ERC2: variants seen among roughly 807,000 people sequenced by gnomAD.
The protein encoded by ERC2 is ERC protein 2.
In ERC2, 42 loss-of-function variants were observed where a neutral mutation model predicts 114.8. The ratio of observed to expected loss-of-function variants is 0.37; its 90% CI spans 0.29 to 0.47. ERC2 has a LOEUF of 0.47. Among genes scored for constraint, ERC2 ranks in the 20% least tolerant of loss-of-function variants. The pLI, the probability that ERC2 is intolerant of heterozygous loss-of-function variation, is 0.99. For synonymous variants in ERC2, 454 were observed against 425.5 expected (o/e 1.07, Z -0.82); for missense variants, 939 against 1,150.7 (o/e 0.82, Z 2.66).
intron 17 of ERC2, among the ~76,000 whole-genome samples, chr3:55,571,833 G>A (rs894731651): frequency 6.6e-5 from 10 of 152,226 alleles, no homozygotes; most frequent in African/African-American, 1.2e-4. Context: ...CTAGCACACA[G>A]TAGGTGCTCA....
intron 2 of ERC2, among the ~76,000 whole-genome samples, chr3:56,325,587 G>A (rs373627369): frequency 3.9e-5 from 6 of 152,166 alleles, no homozygotes; most frequent in African/African-American, 1.4e-4. Context: ...CACCAATAGT[G>A]TTCTACATCA....
At chr3:56,062,273 A>G (rs1391537428) in intron 7 of ERC2, among the ~76,000 whole-genome samples, 1 of 152,220 alleles carries the variant, frequency 6.6e-6, no homozygotes, top group Non-Finnish European at 1.5e-5. Context: ...ATAAACGGTA[A>G]GAGAACTCTT....
chr3:56,312,199 T>C (rs570137742), intron 2 of ERC2, among the ~76,000 whole-genome samples: 2 of 152,292 alleles, frequency 1.3e-5, no homozygotes, highest in Admixed American at 1.3e-4. Flanking sequence ...TTGTTTACTA[T>C]TTCTAAAGAT....
chr3:56,376,899 G>C (rs1246437989), intron 2 of ERC2, among the ~76,000 whole-genome samples: 1 of 152,144 alleles, frequency 6.6e-6, no homozygotes, highest in Non-Finnish European at 1.5e-5. Context: ...ATACATGGGA[G>C]GCTATTTCTA....
At chr3:55,878,123 G>A (rs1412537399) in intron 14 of ERC2, among the ~76,000 whole-genome samples, 1 of 152,096 alleles carries the variant, frequency 6.6e-6, no homozygotes, top group African/African-American at 2.4e-5. Flanking sequence ...ATGGTGCTTG[G>A]AATTATTTAA....
intron 15 of ERC2, among the ~76,000 whole-genome samples, chr3:55,709,169 CTAG>C (rs1259705925): frequency 1.3e-5 from 2 of 152,016 alleles, no homozygotes; most frequent in African/African-American, 4.8e-5. Context: ...CGTGAACATT[CTAG>C]TAGAACTCTA....
intron 17 of ERC2, among the ~76,000 whole-genome samples, chr3:55,621,158 C>CCCT (rs1384252070): frequency 1.3e-5 from 2 of 152,124 alleles, no homozygotes; most frequent in African/African-American, 4.8e-5. Flanking sequence ...CTAACTGCCC[C>CCCT]CCCTCCAGCC....
intron 13 of ERC2, among the ~76,000 whole-genome samples, chr3:55,935,600 C>T (rs1029781380): frequency 2.6e-5 from 4 of 152,126 alleles, no homozygotes; most frequent in Admixed American, 2.6e-4. Flanking sequence ...CTTAGAGAAC[C>T]AAAGTATGAA....
intron 6 of ERC2, among the ~76,000 whole-genome samples, chr3:56,134,269 G>A (rs1236280213): frequency 6.6e-6 from 1 of 152,058 alleles, no homozygotes; most frequent in South Asian, 2.1e-4. Flanking sequence ...ATCAAGATTC[G>A]GTGTGGAATT....
At chr3:55,997,882 T>G (rs1379065700) in intron 10 of ERC2, among the ~76,000 whole-genome samples, 18 of 12,652 alleles carry the variant, frequency 1.4e-3, no homozygotes, top group South Asian at 0.015. Context: ...TTAATTCTGT[T>G]TTTTTTTTTT....
chr3:56,049,416 T>A (rs1180657663), intron 7 of ERC2, among the ~76,000 whole-genome samples: 2 of 152,230 alleles, frequency 1.3e-5, no homozygotes, highest in Non-Finnish European at 2.9e-5. Context: ...AATGGTCTAC[T>A]GATACTGTGA....
intron 2 of ERC2, among the ~76,000 whole-genome samples, chr3:56,408,961 G>A (rs1559461326): frequency 6.6e-6 from 1 of 152,188 alleles, no homozygotes; most frequent in Non-Finnish European, 1.5e-5. Flanking sequence ...CAGGTGTGAC[G>A]GGCAAGGATC....
chr3:56,079,716 A>T (rs1225272934), intron 7 of ERC2, among the ~76,000 whole-genome samples: 1 of 152,146 alleles, frequency 6.6e-6, no homozygotes, highest in African/African-American at 2.4e-5. Flanking sequence ...TCATGTTTAC[A>T]TTATGCAATG....
At position 56,368,187 on chromosome 3, in the gene ERC2, A is replaced by T. The variant is rs55647929; in HGVS notation, c.657+66164T>A. ...AGTTGAAATTATTCTTTTTTTTTTA[A>T]AAAAAAAAAAAAAGCAAATGTAGAC... On this transcript the variant is annotated intron_variant, in intron 2 of 17. Transcript: ENST00000288221. Among the ~76,000 whole-genome samples, 632 of 142,162 alleles carry T rather than the reference A, an allele frequency of 4.4e-3. 3 individuals are homozygous for T. The highest frequency in any genetic ancestry group is 0.014 in the Middle Eastern group (4 of 280). 93.3% of individuals were successfully genotyped at this position (142,162 alleles called of 152,430 possible).
At chr3:55,914,352 T>G (rs1347169912) in intron 13 of ERC2, among the ~76,000 whole-genome samples, 1 of 152,178 alleles carries the variant, frequency 6.6e-6, no homozygotes, top group Non-Finnish European at 1.5e-5. Flanking sequence ...CTCTTATCTT[T>G]AAATGTTACA....
chr3:55,967,471 T>C lies in ERC2; in HGVS notation c.2268-16911A>G, dbSNP rs545284586. 9.8e-5 allele frequency among the ~76,000 whole-genome samples: 15 copies of C among 152,320 alleles called. No homozygotes were observed. In the East Asian group the frequency reaches 2.7e-3, roughly 27 times the overall value. ...GATTCTGATTACTATTAGGCCCTTT[T>C]TCTGGTATAAATCCTAAATTATTTC... On this transcript the variant is annotated intron_variant, in intron 12 of 17. Transcript: ENST00000288221.
intron 17 of ERC2, among the ~76,000 whole-genome samples, chr3:55,594,565 T>C (rs2058046851): frequency 2.0e-5 from 3 of 152,132 alleles, no homozygotes; most frequent in Non-Finnish European, 4.4e-5. Flanking sequence ...CACTGCAACC[T>C]CCGCACCCTG....
Position 56,296,367 on chromosome 3 carries a change from G to A in ERC2, c.726C>T (p.Leu242=), listed in dbSNP as rs764188610. ...CTCCTCGGTTGCCACTCTCTTGCTGGAGGAGGTGGTTGAGGTCTCTCTGGG... is the reference window on the plus strand; with the variant it reads ...CTCCTCGGTTGCCACTCTCTTGCTGAAGGAGGTGGTTGAGGTCTCTCTGGG... ...LRTQRDLNHL[L]QQESGNRGAE... Residue 242 remains leucine (L), a synonymous_variant, in exon 3 of 18, where the codon CTC becomes CTT. Coordinates refer to ENST00000288221, the MANE Select transcript of ERC2 (RefSeq NM_015576.3). The A allele has an allele frequency of 3.7e-6, 6 of 1,613,910 alleles. No individual in the cohort carries two copies. The African/African-American group carries it at 6.7e-5, about 18-fold the overall frequency.
intron 3 of ERC2, among the ~76,000 whole-genome samples, chr3:56,283,198 T>C (rs1464140249): frequency 2.0e-5 from 3 of 152,240 alleles, no homozygotes; most frequent in African/African-American, 7.2e-5. Flanking sequence ...TCGTGCACCA[T>C]TCTGTCCTTT....
Sources: gnomAD v4.1 joint callset for allele counts (sites outside exome capture counted in the v4.1 genomes callset) on GRCh38, gnomAD v4.1.1 for gene constraint, MANE v1.5 for transcripts, NCBI Gene and HGNC (gene_info 2026-07-23, HGNC 2026-07-21) for gene names.